Variants in PRSS55 observed in about 807,000 individuals in gnomAD.
The protein encoded by PRSS55 is probable serine protease UNQ9391/PRO34284.
PRSS55 carries 41 observed loss-of-function variants against 23.6 expected under a neutral mutation model. The ratio of observed to expected loss-of-function variants is 1.74; its 90% CI spans 1.35 to 2.26. The LOEUF (loss-of-function observed/expected upper bound fraction) is 2.26. Ranked by LOEUF, PRSS55 falls within the 30% of genes most tolerant of loss-of-function variation. PRSS55 has a pLI of 0.00. For missense variants in PRSS55, 669 were observed against 439.1 expected (o/e 1.52, Z -4.68); for synonymous variants, 262 against 175.5 (o/e 1.49, Z -3.90).
At chr8:10,534,793 A>G (rs1279705732) in intron 4 of PRSS55, among the ~76,000 whole-genome samples, 1 of 152,212 alleles carries the variant, frequency 6.6e-6, no homozygotes, top group African/African-American at 2.4e-5. Flanking sequence ...TTTGCAAATG[A>G]TATGGTTCTA....
chr8:10,539,528 G>C (rs1812583181), downstream of PRSS55, among the ~76,000 whole-genome samples: 1 of 152,182 alleles, frequency 6.6e-6, no homozygotes, highest in Non-Finnish European at 1.5e-5. Flanking sequence ...GTTTGGCTAT[G>C]TCCCCACTCA....
At chr8:10,553,191 T>C (rs1303596327) in intron 4 of PRSS55, among the ~76,000 whole-genome samples, 1 of 152,216 alleles carries the variant, frequency 6.6e-6, no homozygotes, top group Admixed American at 6.5e-5. Context: ...TCCTCCCCCT[T>C]TGCTGGCTCT....
At chr8:10,543,401 C>T (rs1394393140), downstream of PRSS55, among the ~76,000 whole-genome samples, 1 of 73,406 alleles carries the variant, frequency 1.4e-5, no homozygotes, top group African/African-American at 3.9e-5. Flanking sequence ...ATTTCTTTTT[C>T]TTTCTTTCTT....
intron 4 of PRSS55, among the ~76,000 whole-genome samples, chr8:10,544,234 A>G (rs1812752547): frequency 6.6e-6 from 1 of 152,204 alleles, no homozygotes; most frequent in Non-Finnish European, 1.5e-5. Flanking sequence ...CAGTTGTTAT[A>G]GCTTTCTGAA....
At chr8:10,543,452 C>T (rs372031021), downstream of PRSS55, among the ~76,000 whole-genome samples, 60,123 of 96,744 alleles carry the variant, frequency 0.62, 18,799 homozygotes, top group South Asian at 0.77. Context: ...TCCATCCTTC[C>T]TTCCTTCCTT....
intron 4 of PRSS55, among the ~76,000 whole-genome samples, chr8:10,537,132 G>A (rs577947050): frequency 5.3e-5 from 8 of 152,264 alleles, no homozygotes; most frequent in South Asian, 2.1e-4. Context: ...CTGGGTATAC[G>A]TCCAAAAGAA....
chr8:10,532,134 C>T (rs1159745449), intron 3 of PRSS55, among the ~76,000 whole-genome samples: 1 of 152,106 alleles, frequency 6.6e-6, no homozygotes, highest in South Asian at 2.1e-4. Context: ...ATTGCGTCAG[C>T]CTGAAGGAGG....
downstream of PRSS55, chr8:10,541,194 T>C (rs1585887221): frequency 2.0e-5 from 3 of 152,484 alleles, no homozygotes; most frequent in Middle Eastern, 0.01. Context: ...AGGGTGCATG[T>C]TGAAGGTACT....
At chr8:10,543,419 T>TTC (rs1554584929), downstream of PRSS55, among the ~76,000 whole-genome samples, 764 of 13,974 alleles carry the variant, frequency 0.055, 43 homozygotes, top group Admixed American at 0.32. Context: ...CTTTCTTCTT[T>TTC]CTTTCTTCCT....
chr8:10,526,121 G>A (rs757823360), intron 1 of PRSS55, among the ~76,000 whole-genome samples: 7 of 152,136 alleles, frequency 4.6e-5, no homozygotes, highest in African/African-American at 1.4e-4. Flanking sequence ...AAGTGCAAGG[G>A]TGCTTCTGTC....
intron 4 of PRSS55, among the ~76,000 whole-genome samples, chr8:10,548,989 C>G (rs571312992): frequency 3.9e-4 from 60 of 152,254 alleles, no homozygotes; most frequent in African/African-American, 1.4e-3. Flanking sequence ...ACGCCTCTTC[C>G]CTGGCATCTC....
exon 5 of PRSS55, chr8:10,554,088 G>A (rs889340102): frequency 5.9e-5 from 69 of 1,163,284 alleles, no homozygotes; most frequent in Admixed American, 1.2e-4. Flanking sequence ...CATACCCTTG[G>A]GCATAGCCTT....
chr8:10,527,989 G>C (rs568206074), intron 1 of PRSS55, among the ~76,000 whole-genome samples: 2 of 152,190 alleles, frequency 1.3e-5, no homozygotes, highest in African/African-American at 4.8e-5. Context: ...GAGGCGGGCA[G>C]ATCATCTGAG....
rs1179408681 is a variant in PRSS55, at chr8:10,538,781, T to A, written c.1047T>A (p.Ala349=). ...CCCTGTCCCATGTGTTGTTCAGAGCTATTTTGTACTGATAATAAAATAGAG... is the reference window on the plus strand; with the variant it reads ...CCCTGTCCCATGTGTTGTTCAGAGCAATTTTGTACTGATAATAAAATAGAG... ...LCPLSHVLFR[A]ILY is the part of the protein sequence containing the mutation. The change falls in exon 5 of 5, where the codon GCT becomes GCA. Residue 349 remains alanine, a synonymous_variant. Transcript: ENST00000328655. The A allele has an allele frequency of 6.4e-7, 1 of 1,563,388 alleles. No homozygotes were observed. The highest frequency in any genetic ancestry group is 1.4e-5 in the African/African-American group (1 of 72,658).
At chr8:10,551,149 G>A (rs1005416029) in intron 4 of PRSS55, among the ~76,000 whole-genome samples, 7 of 152,180 alleles carry the variant, frequency 4.6e-5, no homozygotes, top group Non-Finnish European at 7.3e-5. Context: ...TCCTTTAAAA[G>A]CTGTCTGTGC....
chr8:10,531,212 A>C (rs1585870436), intron 2 of PRSS55, 83 bp from the exon 3 acceptor site: 1 of 1,540,140 alleles, frequency 6.5e-7, no homozygotes, highest in East Asian at 2.3e-5. Flanking sequence ...CATGGGATTT[A>C]GGTTTCTGGG....
chr8:10,537,371 T>C (rs1812492731), intron 4 of PRSS55, among the ~76,000 whole-genome samples: 1 of 152,044 alleles, frequency 6.6e-6, no homozygotes, highest in Non-Finnish European at 1.5e-5. Context: ...ATAAGCCAGG[T>C]ACAGAAAGAC....
chr8:10,540,361 T>C (rs1156862422), downstream of PRSS55: 1 of 152,214 alleles, frequency 6.6e-6, no homozygotes, highest in Non-Finnish European at 1.5e-5. Context: ...AAATGGAAGC[T>C]TGGGCTTTTC....
At chr8:10,545,009 T>G (rs1166063057) in intron 4 of PRSS55, 1 of 985,288 alleles carries the variant, frequency 1.0e-6, no homozygotes, top group Non-Finnish European at 1.2e-6. Flanking sequence ...TGACCCAGCC[T>G]CAACAAACAG....
Sources: allele counts gnomAD v4.1 joint callset (sites outside exome capture counted in the v4.1 genomes callset), GRCh38; gene constraint gnomAD v4.1.1; transcripts MANE v1.5; gene names NCBI Gene and HGNC (gene_info 2026-07-23, HGNC 2026-07-21).